Variants in STRBP observed in about 807,000 individuals in gnomAD.
STRBP encodes spermatid perinuclear RNA-binding protein.
A neutral mutation model predicts 80.1 loss-of-function variants in STRBP; 13 were observed. The observed-to-expected ratio is 0.16, with a 90% CI of 0.11 to 0.26. The LOEUF (loss-of-function observed/expected upper bound fraction) is 0.26. Among genes scored for constraint, STRBP ranks in the 10% least tolerant of loss-of-function variants. STRBP has a pLI of 1.00. For synonymous variants in STRBP, 284 were observed against 291.2 expected, an observed-to-expected ratio of 0.98 and a Z score of 0.25; for missense variants, 485 against 815.2, an observed-to-expected ratio of 0.59 and a Z score of 4.93.
chr9:123,238,446 C>T (rs748263786), intron 1 of STRBP, among the ~76,000 whole-genome samples: 1 of 152,222 alleles, frequency 6.6e-6, no homozygotes, highest in Non-Finnish European at 1.5e-5. Flanking sequence ...TAAAGGCAAA[C>T]TAAGCGCCAT....
At chr9:123,214,237 T>G (rs1322819334) in intron 2 of STRBP, among the ~76,000 whole-genome samples, 1 of 151,434 alleles carries the variant, frequency 6.6e-6, no homozygotes, top group African/African-American at 2.4e-5. Flanking sequence ...CTCAACAACC[T>G]GGATGGTACT....
chr9:123,122,265 G>T lies in STRBP; in HGVS notation c.*3332C>A, dbSNP rs879334461. 2.5e-6 allele frequency: 3 copies of T among 1,211,288 alleles called. No homozygotes were observed. Among genetic ancestry groups the T allele is most frequent in the African/African-American group, 1.6e-5 (1 of 64,294 alleles). 75.0% of individuals were successfully genotyped at this position (1,211,288 alleles called of 1,614,324 possible). The stretch of plus-strand genomic sequence containing the variant: ...TTTATACAAGTGATATGGCTACGAA[G>T]GTCCGAGGAGAACGAGAATAAAGTG... On this transcript the variant is annotated 3_prime_UTR_variant, in exon 19 of 19. Transcript: ENST00000348403.
At chr9:123,193,972 A>T (rs2039011458) in intron 2 of STRBP, among the ~76,000 whole-genome samples, 1 of 152,176 alleles carries the variant, frequency 6.6e-6, no homozygotes, top group Non-Finnish European at 1.5e-5. Flanking sequence ...TTCTAAAGGG[A>T]TGTGAAAATG....
intron 1 of STRBP, among the ~76,000 whole-genome samples, chr9:123,240,821 A>G (rs2040677638): frequency 6.6e-6 from 1 of 152,132 alleles, no homozygotes; most frequent in Non-Finnish European, 1.5e-5. Flanking sequence ...CACTATATCA[A>G]CAATCCTGAC....
intron 13 of STRBP, among the ~76,000 whole-genome samples, chr9:123,143,707 A>G (rs1287759280): frequency 2.0e-5 from 3 of 152,216 alleles, no homozygotes; most frequent in Non-Finnish European, 4.4e-5. Flanking sequence ...TTCTATCTCT[A>G]GAATATATCT....
intron 1 of STRBP, among the ~76,000 whole-genome samples, chr9:123,267,678 C>T (rs2041300737): frequency 1.3e-5 from 2 of 151,124 alleles, no homozygotes; most frequent in African/African-American, 4.9e-5. Flanking sequence ...CCCCCTGCCC[C>T]GACCCCCTCC....
intron 1 of STRBP, among the ~76,000 whole-genome samples, chr9:123,254,400 G>A (rs1038885551): frequency 6.7e-6 from 1 of 148,152 alleles, no homozygotes; most frequent in African/African-American, 2.5e-5. Context: ...GGCGGAGCCT[G>A]CAGTGAACCC....
At chr9:123,163,012 T>C (rs1459301198) in intron 6 of STRBP, among the ~76,000 whole-genome samples, 1 of 152,224 alleles carries the variant, frequency 6.6e-6, no homozygotes, top group Non-Finnish European at 1.5e-5. Flanking sequence ...GTAACAAAGG[T>C]TGACTAACTA....
chr9:123,183,988 A>G, intron 3 of STRBP, 144 bp downstream of exon 3: 1 of 639,268 alleles, frequency 1.6e-6, no homozygotes, highest in South Asian at 2.3e-5. Context: ...TTCGCTTTGA[A>G]TAGTAGAGTG....
Position 123,230,396 on chromosome 9 carries a change from G to A in STRBP, c.-165+6434C>T, listed in dbSNP as rs1175034084. 2.0e-5 allele frequency among the ~76,000 whole-genome samples: 3 copies of A among 152,164 alleles called. 1 individual carries two copies. Among genetic ancestry groups the A allele is most frequent in the Non-Finnish European group, 2.9e-5 (2 of 68,024 alleles). ...CCAAACACTGGCAAACCTAGTGCAA[G>A]TCCCATGCATTTTTGTCTATTTTAT... On this transcript the variant is annotated intron_variant, in intron 2 of 18. Transcript: ENST00000348403.
At chr9:123,257,062 A>T (rs1020842660) in intron 1 of STRBP, among the ~76,000 whole-genome samples, 1 of 152,174 alleles carries the variant, frequency 6.6e-6, no homozygotes, top group African/African-American at 2.4e-5. Flanking sequence ...CAAACAGAGT[A>T]AGGCTTGAAT....
chr9:123,179,244 G>A lies in STRBP; in HGVS notation c.4-17C>T, dbSNP rs754255015. 1.6e-5 allele frequency: 26 copies of A among 1,584,962 alleles called. No individual in the cohort carries two copies. The highest frequency in any genetic ancestry group is 1.3e-4 in the African/African-American group (10 of 74,332). ...AATAGATCTCTGTTAGAAGGAGAAC[G>A]AAAACAATTACTTCAACAAAAGAAA... On this transcript the variant is annotated splice_polypyrimidine_tract_variant and intron_variant, in intron 3 of 18. Transcript: ENST00000348403.
intron 2 of STRBP, among the ~76,000 whole-genome samples, chr9:123,208,472 G>C (rs1268446828): frequency 6.6e-6 from 1 of 152,122 alleles, no homozygotes; most frequent in African/African-American, 2.4e-5. Context: ...ACTTACTCTA[G>C]TGCAGGAGTC....
chr9:123,245,408 G>C (rs1231617324), intron 1 of STRBP, among the ~76,000 whole-genome samples: 1 of 152,142 alleles, frequency 6.6e-6, no homozygotes, highest in African/African-American at 2.4e-5. Flanking sequence ...TTGTTTGTTT[G>C]AGACGTTGTC....
chr9:123,195,750 A>C (rs1334437361), intron 2 of STRBP, among the ~76,000 whole-genome samples: 1 of 152,226 alleles, frequency 6.6e-6, no homozygotes, highest in African/African-American at 2.4e-5. Flanking sequence ...AAGCGTCAAT[A>C]TTGTTAAAAT....
At chr9:123,185,052 G>A (rs1374265057) in intron 2 of STRBP, among the ~76,000 whole-genome samples, 1 of 150,630 alleles carries the variant, frequency 6.6e-6, no homozygotes, top group East Asian at 1.9e-4. Flanking sequence ...GAGCACTGAT[G>A]AAACACTTAT....
chr9:123,187,081 C>T (rs1197139473), intron 2 of STRBP, among the ~76,000 whole-genome samples: 1 of 151,964 alleles, frequency 6.6e-6, no homozygotes, highest in Non-Finnish European at 1.5e-5. Flanking sequence ...TAACTCAAGC[C>T]TCCCAACAAT....
At chr9:123,149,926 C>A (rs2036981896) in intron 11 of STRBP, among the ~76,000 whole-genome samples, 1 of 152,196 alleles carries the variant, frequency 6.6e-6, no homozygotes, top group Non-Finnish European at 1.5e-5. Context: ...TCTCCCTTTT[C>A]TCAAAGAGCT....
At chr9:123,112,661 G>A (rs1008776826) in intron 3 of STRBP, 1 of 167,364 alleles carries the variant, frequency 6.0e-6, no homozygotes, top group Non-Finnish European at 1.5e-5. Context: ...AGTCCCCTAC[G>A]CCTGACGTCG....
Sources: allele counts gnomAD v4.1 joint callset (sites outside exome capture counted in the v4.1 genomes callset), GRCh38; gene constraint gnomAD v4.1.1; transcripts MANE v1.5; gene names NCBI Gene and HGNC (gene_info 2026-07-23, HGNC 2026-07-21).